FAM240C: variants seen among roughly 807,000 people sequenced by gnomAD.
The protein encoded by FAM240C is family with sequence similarity 240 member C.
A neutral mutation model predicts 10.0 loss-of-function variants in FAM240C; 14 were observed. The observed-to-expected ratio is 1.40, with a 90% CI of 0.92 to 2.19. The LOEUF is 2.19. FAM240C is among the 30% of genes most tolerant of loss of function. FAM240C has a pLI of 0.00. For synonymous variants in FAM240C, 49 were observed against 44.3 expected (o/e 1.11, Z -0.42); for missense variants, 154 against 122.3 (o/e 1.26, Z -1.22).
Position 241,897,245 on chromosome 2 carries a change from C to A in FAM240C, c.102G>T (p.Glu34Asp). ...CGTTCTGCAGGTGTCTTGCGTGATG[C>A]TCGATTTTTTTCTCCCAAAACATCT... is the stretch of plus-strand genomic sequence containing the variant. ...GIKMFWEKKI[E>D]HHARHLQNED... Residue 34 changes from glutamate (E) to aspartate (D), a missense_variant, in exon 2 of 3, where the codon GAG becomes GAT. Coordinates refer to ENST00000404031, the MANE Select transcript of FAM240C (RefSeq NM_001382368.1). The A allele has an allele frequency of 6.5e-7, 1 of 1,549,958 alleles. No homozygotes were observed.
At chr2:241,901,813 C>G (rs111379898), upstream of FAM240C, among the ~76,000 whole-genome samples, 2,906 of 152,312 alleles carry the variant, frequency 0.019, 102 homozygotes, top group African/African-American at 0.067. This position sits in a 1 kb window ranked among gnomAD's most constrained non-coding sequence, Gnocchi z 4.9. Flanking sequence ...TTGTAAAGCC[C>G]GTGGTGGTCT....
rs1559467005 is a variant in FAM240C at position 241,894,181 on chromosome 2, A to G, written c.*32T>C. On this transcript the variant is annotated 3_prime_UTR_variant, in exon 3 of 3. Coordinates refer to ENST00000404031, the MANE Select transcript of FAM240C (RefSeq NM_001382368.1). ...GTGTTCCTTCTCCATGACCCTCCGGAAGCTCATGCAGAGTCTGGAGCTCGT... is the reference window on the plus strand; with the variant it reads ...GTGTTCCTTCTCCATGACCCTCCGGGAGCTCATGCAGAGTCTGGAGCTCGT... 6 of 1,534,866 alleles carry G rather than the reference A, an allele frequency of 3.9e-6. 1 individual carries two copies. The South Asian group carries it at 7.2e-5, about 18-fold the overall frequency.
At chr2:241,900,542 C>T, upstream of FAM240C, 1 of 605,956 alleles carries the variant, frequency 1.7e-6, no homozygotes, top group Non-Finnish European at 3.0e-6. This position sits in a 1 kb window ranked among gnomAD's most constrained non-coding sequence, Gnocchi z 4.5. Flanking sequence ...GGGCACCGTC[C>T]CTGGCAGAGC....
At chr2:241,897,823 C>T (rs13015845) in intron 1 of FAM240C, among the ~76,000 whole-genome samples, 46,786 of 152,064 alleles carry the variant, frequency 0.31, 8,535 homozygotes, top group Non-Finnish European at 0.4. Context: ...CAGCCTTGAC[C>T]GCCTGAACTC....
At chr2:241,897,368 C>T (rs1044578562) in intron 1 of FAM240C, 34 bp from the exon 2 acceptor site, 2 of 1,543,266 alleles carry the variant, frequency 1.3e-6, no homozygotes, top group Middle Eastern at 3.4e-4. Context: ...AGCTCAGTCA[C>T]CTTATGCCAT....
chr2:241,898,342 G>C (rs1254189379), intron 1 of FAM240C, among the ~76,000 whole-genome samples: 1 of 152,162 alleles, frequency 6.6e-6, no homozygotes, highest in African/African-American at 2.4e-5. Flanking sequence ...CTTGAGCTCA[G>C]GAGTTAAGAG....
At position 241,894,267 on chromosome 2, in the gene FAM240C, G is replaced by C; in HGVS notation, c.234C>G (p.Asp78Glu). 2 of 1,550,026 alleles carry C rather than the reference G, an allele frequency of 1.3e-6. No individual in the cohort carries two copies. The highest frequency in any genetic ancestry group is 1.7e-6 in the Non-Finnish European group (2 of 1,146,822). The change falls in exon 3 of 3, where the codon GAC becomes GAG. Residue 78 changes from aspartate (D) to glutamate (E), a missense_variant. By Grantham distance (45) the Asp-to-Glu change is conservative. Transcript: ENST00000404031. ...KMLQGPGRCP[D>E]RVPEATESLH... is the part of the protein sequence containing the mutation. ...GGGACTCAGTGGCCTCCGGGACCCTGTCTGGGCATCTCCCTGGGCCCTGCA... is the reference window on the plus strand; with the variant it reads ...GGGACTCAGTGGCCTCCGGGACCCTCTCTGGGCATCTCCCTGGGCCCTGCA...
At chr2:241,899,917 A>G (rs1665095245) in intron 1 of FAM240C, among the ~76,000 whole-genome samples, 1 of 152,100 alleles carries the variant, frequency 6.6e-6, no homozygotes, top group South Asian at 2.1e-4. Context: ...AATACAAAAA[A>G]TTAGCCGGGC....
chr2:241,899,406 C>G, intron 1 of FAM240C: 1 of 910,492 alleles, frequency 1.1e-6, no homozygotes. Flanking sequence ...GCCACGCCTG[C>G]CTGTGCTGAG....
chr2:241,897,066 T>G, intron 2 of FAM240C, 120 bp downstream of exon 2: 2 of 1,108,056 alleles, frequency 1.8e-6, no homozygotes, highest in Non-Finnish European at 1.3e-6. Flanking sequence ...AGCTGAGGGG[T>G]TTCATGGTGG....
At chr2:241,896,222 A>C (rs1701798243) in intron 2 of FAM240C, among the ~76,000 whole-genome samples, 1 of 152,144 alleles carries the variant, frequency 6.6e-6, no homozygotes. Flanking sequence ...CTCCCCACCC[A>C]GCTGTCCCTG....
chr2:241,896,728 T>G lies in FAM240C; in HGVS notation c.161+458A>C, dbSNP rs867055602. Among the ~76,000 whole-genome samples, 19 of 2,434 alleles carry G rather than the reference T, an allele frequency of 7.8e-3. 2 individuals are homozygous for G. The highest frequency in any genetic ancestry group is 0.026 in the South Asian group (1 of 38). 1.6% of individuals were successfully genotyped at this position (2,434 alleles called of 152,430 possible). On this transcript the variant is annotated intron_variant, in intron 2 of 2. Coordinates refer to ENST00000404031, the MANE Select transcript of FAM240C (RefSeq NM_001382368.1). ...GTGTGGGTGTTGGGGGTGTGTGTGT[T>G]GGGGTGTGGGTGAAGGGGTGTGGGT...
chr2:241,896,503 GGGGGTGTGGGTGTT>G (rs1559468256), intron 2 of FAM240C, among the ~76,000 whole-genome samples: 416 of 28,570 alleles, frequency 0.015, 3 homozygotes, highest in African/African-American at 0.055. Context: ...TGTGGGTGAA[GGGGGTGTGGGTGTT>G]GGGGTGTGGG....
rs1176787652 is a variant in FAM240C at position 241,897,178 on chromosome 2, C to T, written c.161+8G>A. On this transcript the variant is annotated splice_region_variant and intron_variant, in intron 2 of 2. Transcript: ENST00000404031. ...GGGGTCCCCGATGCACTGCACACCC[C>T]GACTCACTTGTTCAGAGCGCTTCTG... The T allele has an allele frequency of 1.3e-5, 20 of 1,549,224 alleles. No homozygotes were observed. The highest frequency in any genetic ancestry group is 1.1e-4 in the African/African-American group (8 of 72,900).
chr2:241,900,321 A>G lies in FAM240C; in HGVS notation c.12+37T>C. 1 of 717,094 alleles carries G rather than the reference A, an allele frequency of 1.4e-6. No individual in the cohort carries two copies. 44.4% of individuals were successfully genotyped at this position (717,094 alleles called of 1,614,324 possible). On this transcript the variant is annotated intron_variant, in intron 1 of 2. Transcript: ENST00000404031. The surrounding 1 kb of genome is among the most constrained non-coding windows in gnomAD (Gnocchi z 4.5). Reference sequence around the variant, plus strand: ...CCCCAAATGCAGCGCCAATCTCTCAAGCAAGGACAGCGCCTGTCACATCAC... The same window carrying G: ...CCCCAAATGCAGCGCCAATCTCTCAGGCAAGGACAGCGCCTGTCACATCAC...
intron 1 of FAM240C, 95 bp from the exon 2 acceptor site, chr2:241,897,429 C>T (rs374790431): frequency 1.4e-6 from 2 of 1,414,922 alleles, no homozygotes; most frequent in East Asian, 5.0e-5. Context: ...GGAGCTGGCT[C>T]AGCCTGCAGC....
At chr2:241,895,293 A>G (rs1701766057) in intron 2 of FAM240C, among the ~76,000 whole-genome samples, 1 of 152,236 alleles carries the variant, frequency 6.6e-6, no homozygotes, top group Non-Finnish European at 1.5e-5. Flanking sequence ...AGCAGCTGCC[A>G]CGGTCCCACA....
intron 1 of FAM240C, chr2:241,899,365 T>C (rs1701930251): frequency 1.0e-6 from 1 of 983,268 alleles, no homozygotes. Context: ...AACTTAGACA[T>C]GCAAAGTTGA....
At chr2:241,900,905 C>T (rs947812248), upstream of FAM240C, among the ~76,000 whole-genome samples, 5 of 152,224 alleles carry the variant, frequency 3.3e-5, no homozygotes, top group East Asian at 1.9e-4. The surrounding 1 kb of genome is among the most constrained non-coding windows in gnomAD (Gnocchi z 4.5). Context: ...AGCTGGCTCT[C>T]GCGGTGACAG....
Sources: allele counts gnomAD v4.1 joint callset (sites outside exome capture counted in the v4.1 genomes callset), GRCh38; gene constraint gnomAD v4.1.1; non-coding constraint Gnocchi (gnomAD v3.1); transcripts MANE v1.5; gene names NCBI Gene and HGNC (gene_info 2026-07-23, HGNC 2026-07-21).